Variants in PMFBP1 observed in about 807,000 individuals in gnomAD.
PMFBP1 encodes polyamine-modulated factor 1-binding protein 1.
A neutral mutation model predicts 137.8 loss-of-function variants in PMFBP1; 131 were observed. The observed-to-expected ratio is 0.95, with a 90% confidence interval of 0.82 to 1.10. The LOEUF is 1.10. Ranked by LOEUF, PMFBP1 falls within the 50% of genes least tolerant of loss-of-function variation. The pLI is 0.00. For synonymous variants in PMFBP1, 490 were observed against 450.4 expected (o/e 1.09, Z -1.11); for missense variants, 1,199 against 1,175.4 (o/e 1.02, Z -0.29).
At chr16:72,133,439 G>A (rs557486094) in intron 9 of PMFBP1, among the ~76,000 whole-genome samples, 68 of 152,040 alleles carry the variant, frequency 4.5e-4, no homozygotes, top group Middle Eastern at 3.4e-3. Flanking sequence ...TCAGCCTCCC[G>A]AAGTGTTGGG....
chr16:72,122,767 T>C (rs35909200), intron 19 of PMFBP1, 147 bp downstream of exon 19: 3 of 655,408 alleles, frequency 4.6e-6, no homozygotes, highest in African/African-American at 1.8e-5. Context: ...GTCACATAGA[T>C]GCAGATTCGA....
intron 7 of PMFBP1, 134 bp downstream of exon 7, chr16:72,139,155 G>T: frequency 1.5e-6 from 1 of 677,014 alleles, no homozygotes; most frequent in Non-Finnish European, 2.5e-6. Context: ...CCTTGTGGCA[G>T]GGCCAACCAA....
intron 9 of PMFBP1, among the ~76,000 whole-genome samples, chr16:72,135,187 ATTAT>A (rs1017072991): frequency 1.3e-5 from 2 of 151,752 alleles, no homozygotes; most frequent in Non-Finnish European, 2.9e-5. Context: ...GATTATTATT[ATTAT>A]TTGAGACAGA....
At chr16:72,123,013 C>G (rs1176642433) in intron 18 of PMFBP1, 25 bp from the exon 19 acceptor site, 4 of 1,604,278 alleles carry the variant, frequency 2.5e-6, no homozygotes, top group Non-Finnish European at 2.6e-6. Context: ...CAGGAGAAAA[C>G]AGCAGCCAGT....
Position 72,164,822 on chromosome 16 carries a change from T to C in PMFBP1, c.107A>G (p.Gln36Arg). 6.2e-7 allele frequency: 1 copy of C among 1,609,646 alleles called. No individual in the cohort carries two copies. The highest frequency in any genetic ancestry group is 1.7e-5 in the Admixed American group (1 of 59,952). The change falls in exon 3 of 21, where the codon CAG becomes CGG. Residue 36 changes from glutamine to arginine, a missense_variant. By Grantham distance (43) the Gln-to-Arg change is conservative (BLOSUM62 1). Coordinates refer to ENST00000237353, the MANE Select transcript of PMFBP1 (RefSeq NM_031293.3). ...IKNLHDVCKR[Q>R]RKTLQDNQLC... is the part of the protein sequence containing the mutation. The stretch of plus-strand genomic sequence containing the variant: ...CTGATTGTCCTGCAAGGTCTTCCTC[T>C]GTCTCTTGCAGACATCGTGCAGATT...
the PMFBP1 span, among the ~76,000 whole-genome samples, chr16:72,213,592 A>G: frequency 8.0e-4 from 122 of 152,342 alleles, no homozygotes; most frequent in African/African-American, 2.7e-3. Context: ...GTCCTAGCTG[A>G]CACCTTAATC....
At chr16:72,207,056 G>GAGAGGCTT in the PMFBP1 span, among the ~76,000 whole-genome samples, 19,257 of 152,020 alleles carry the variant, frequency 0.13, 1,589 homozygotes, top group South Asian at 0.18. Flanking sequence ...TCAGATGGTA[G>GAGAGGCTT]AGAGGCTTAG....
chr16:72,132,363 G>A (rs1309061820), intron 10 of PMFBP1, among the ~76,000 whole-genome samples: 1 of 152,166 alleles, frequency 6.6e-6, no homozygotes, highest in Non-Finnish European at 1.5e-5. Flanking sequence ...GTATTTGGGG[G>A]CAAAAAGGCG....
chr16:72,205,892 T>A, the PMFBP1 span, among the ~76,000 whole-genome samples: 1 of 152,088 alleles, frequency 6.6e-6, no homozygotes, highest in African/African-American at 2.4e-5. Context: ...TCTGAGGGCC[T>A]CCATCTCTTC....
At chr16:72,152,739 G>A (rs1203158145) in intron 4 of PMFBP1, among the ~76,000 whole-genome samples, 2 of 151,614 alleles carry the variant, frequency 1.3e-5, no homozygotes, top group African/African-American at 4.8e-5. Flanking sequence ...CAGCTACTCA[G>A]GAGGCTGTGG....
At chr16:72,130,401 A>G (rs755754036) in intron 11 of PMFBP1, 44 bp from the exon 12 acceptor site, 1 of 1,612,970 alleles carries the variant, frequency 6.2e-7, no homozygotes, top group Non-Finnish European at 8.5e-7. Flanking sequence ...TTCAGTGCCC[A>G]TGTGGGCAGA....
intron 9 of PMFBP1, among the ~76,000 whole-genome samples, chr16:72,133,366 A>G (rs970637913): frequency 2.6e-5 from 4 of 151,920 alleles, no homozygotes; most frequent in Non-Finnish European, 5.9e-5. Flanking sequence ...TTTATTAGAG[A>G]CGGGGTTTCA....
chr16:72,205,175 G>A, the PMFBP1 span, among the ~76,000 whole-genome samples: 3 of 152,218 alleles, frequency 2.0e-5, no homozygotes, highest in African/African-American at 7.2e-5. Flanking sequence ...GCTTCATGGG[G>A]AGGCTTTAAA....
upstream of PMFBP1, among the ~76,000 whole-genome samples, chr16:72,175,766 C>T (rs529007475): frequency 2.0e-5 from 3 of 152,102 alleles, no homozygotes; most frequent in Non-Finnish European, 4.4e-5. Context: ...AATGTTCTAC[C>T]TCCTACCAGT....
At chr16:72,240,675 T>C in the PMFBP1 span, among the ~76,000 whole-genome samples, 1 of 152,242 alleles carries the variant, frequency 6.6e-6, no homozygotes, top group Non-Finnish European at 1.5e-5. Context: ...GACAGCATGC[T>C]GTGGCAGAAA....
At position 72,154,915 on chromosome 16, in the gene PMFBP1, G is replaced by A. The variant is rs568423143; in HGVS notation, c.166-456C>T. On this transcript the variant is annotated intron_variant, in intron 3 of 20. Transcript: ENST00000237353. Reference sequence around the variant, plus strand: ...TCAAGGGTGAATTCTTGGGGATTTTGAAACGCTGAAAAATGAGAGCCAGAG... The same window carrying A: ...TCAAGGGTGAATTCTTGGGGATTTTAAAACGCTGAAAAATGAGAGCCAGAG... Among the ~76,000 whole-genome samples the A allele has an allele frequency of 2.6e-5, 4 of 152,284 alleles. No individual in the cohort carries two copies. The East Asian group carries it at 5.8e-4, about 22-fold the overall frequency.
chr16:72,191,386 C>T, the PMFBP1 span, among the ~76,000 whole-genome samples: 4 of 152,202 alleles, frequency 2.6e-5, no homozygotes, highest in Non-Finnish European at 5.9e-5. Context: ...ACTAAAAACA[C>T]ATTTAGTACA....
At chr16:72,142,856 A>T (rs1237143712) in intron 5 of PMFBP1, among the ~76,000 whole-genome samples, 3 of 152,366 alleles carry the variant, frequency 2.0e-5, no homozygotes, top group South Asian at 4.1e-4. Flanking sequence ...CCAGCTCATT[A>T]TATTAGGATG....
chr16:72,218,511 C>T, the PMFBP1 span, among the ~76,000 whole-genome samples: 1 of 152,176 alleles, frequency 6.6e-6, no homozygotes, highest in South Asian at 2.1e-4. Flanking sequence ...AAACTCCTGA[C>T]CTCAAATGAT....
Sources: gnomAD v4.1 joint callset for allele counts (sites outside exome capture counted in the v4.1 genomes callset) on GRCh38, gnomAD v4.1.1 for gene constraint, MANE v1.5 for transcripts, NCBI Gene and HGNC (gene_info 2026-07-23, HGNC 2026-07-21) for gene names.